The following GLIS3 variants were observed in gnomAD, a reference collection of about 807,000 sequenced individuals.
GLIS3 encodes zinc finger protein GLIS3.
GLIS3 carries 53 observed loss-of-function variants against 78.6 expected under a neutral mutation model. The ratio of observed to expected loss-of-function variants is 0.67; its 90% CI spans 0.54 to 0.85. GLIS3 has a LOEUF of 0.85. Among genes scored for constraint, GLIS3 ranks in the 40% least tolerant of loss-of-function variants. GLIS3 has a pLI of 0.00. For synonymous variants in GLIS3, 684 were observed against 509.9 expected, an observed-to-expected ratio of 1.34 and a Z score of -4.60; for missense variants, 1,703 against 1,231.1, an observed-to-expected ratio of 1.38 and a Z score of -5.74.
At chr9:4,475,418 C>T in the GLIS3 span, among the ~76,000 whole-genome samples, 1 of 152,036 alleles carries the variant, frequency 6.6e-6, no homozygotes, top group Non-Finnish European at 1.5e-5. Context: ...AAACGTTTAC[C>T]AGAGCATTCT....
intron 9 of GLIS3, among the ~76,000 whole-genome samples, chr9:3,849,908 CA>C (rs574534035): frequency 1.1e-3 from 146 of 138,134 alleles, no homozygotes; most frequent in Middle Eastern, 3.8e-3. Context: ...GACTCCATCT[CA>C]AAAAAAAAAA....
intron 2 of GLIS3, among the ~76,000 whole-genome samples, chr9:4,329,751 A>G (rs1437826946): frequency 3.3e-5 from 5 of 152,112 alleles, no homozygotes; most frequent in African/African-American, 7.2e-5. Flanking sequence ...CAGTGTTTAA[A>G]TACCTCTAGC....
At chr9:4,410,461 A>G in the GLIS3 span, among the ~76,000 whole-genome samples, 81 of 152,348 alleles carry the variant, frequency 5.3e-4, no homozygotes, top group African/African-American at 1.7e-3. Flanking sequence ...TTTTAAGTAT[A>G]TATAAAGAAT....
At chr9:3,924,656 G>A (rs1453205009) in intron 6 of GLIS3, among the ~76,000 whole-genome samples, 2 of 152,170 alleles carry the variant, frequency 1.3e-5, no homozygotes, top group Non-Finnish European at 2.9e-5. Context: ...TAGCTCAACT[G>A]AAGCTGAAAA....
intron 1 of GLIS3, among the ~76,000 whole-genome samples, chr9:4,296,746 G>A (rs190544633): frequency 3.9e-4 from 59 of 151,948 alleles, no homozygotes; most frequent in Non-Finnish European, 7.1e-4. Context: ...TACCAATAAG[G>A]ACAGGTGTTT....
chr9:4,209,340 C>A (rs1445515773), intron 2 of GLIS3, among the ~76,000 whole-genome samples: 4 of 152,160 alleles, frequency 2.6e-5, no homozygotes, highest in Non-Finnish European at 5.9e-5. Context: ...CATAGGGTAT[C>A]TGGGTTTCTC....
intron 4 of GLIS3, among the ~76,000 whole-genome samples, chr9:4,061,304 G>C (rs1304017759): frequency 6.8e-6 from 1 of 147,596 alleles, no homozygotes; most frequent in Non-Finnish European, 1.5e-5. Flanking sequence ...CTATGAGTGA[G>C]AACATGCGGT....
chr9:4,392,548 T>G, the GLIS3 span, among the ~76,000 whole-genome samples: 2 of 152,200 alleles, frequency 1.3e-5, no homozygotes, highest in Non-Finnish European at 2.9e-5. Context: ...TACCTTTCAC[T>G]ATGGCCCCAA....
rs34789708 is a variant in GLIS3 at position 3,908,706 on chromosome 9, G to GTTTTTTTTTTTTTT, written c.1984-9885_1984-9872dup. ...GCACCATCAATTGTGATTTGTATTT[G>GTTTTTTTTTTTTTT]TTTTTTTTTTTTTTTTTTTTTTGTA... On this transcript the variant is annotated intron_variant, in intron 6 of 10. Coordinates refer to ENST00000381971, the MANE Select transcript of GLIS3 (RefSeq NM_001042413.2). Among the ~76,000 whole-genome samples the GTTTTTTTTTTTTTT allele has an allele frequency of 6.8e-4, 58 of 85,556 alleles. 3 individuals carry two copies. Among genetic ancestry groups the GTTTTTTTTTTTTTT allele is most frequent in the East Asian group, 1.0e-3 (3 of 2,876 alleles). The allele number at this position is 85,556 out of a possible 152,430, so 56.1% of individuals were successfully genotyped here.
At chr9:4,094,330 G>A (rs568982041) in intron 4 of GLIS3, among the ~76,000 whole-genome samples, 1 of 152,220 alleles carries the variant, frequency 6.6e-6, no homozygotes, top group South Asian at 2.1e-4. Context: ...TGTGGCTAGT[G>A]AGAGTGCAAA....
intron 9 of GLIS3, among the ~76,000 whole-genome samples, chr9:3,839,859 T>C (rs1818608920): frequency 6.6e-6 from 1 of 152,192 alleles, no homozygotes; most frequent in East Asian, 1.9e-4. Context: ...TTTAATTAAT[T>C]AGTAAAATTG....
At chr9:3,974,415 T>C (rs1382506698) in intron 4 of GLIS3, among the ~76,000 whole-genome samples, 1 of 152,166 alleles carries the variant, frequency 6.6e-6, no homozygotes, top group African/African-American at 2.4e-5. Flanking sequence ...TGTCCACAGA[T>C]ATAAAAAGGT....
At position 4,022,969 on chromosome 9, in the gene GLIS3, GCTCT is replaced by G. The variant is rs536584689; in HGVS notation, c.1711-85784_1711-85781del. On this transcript the variant is annotated intron_variant, in intron 4 of 10. Transcript: ENST00000381971. ...AGGCAACTTTGGAGGTGATAAAAAT[GCTCT>G]CTCTGTTGTCTTGTTTATGGTGGTG... Among the ~76,000 whole-genome samples the G allele has an allele frequency of 3.2e-4, 48 of 152,284 alleles. No homozygotes were observed. In the East Asian group the frequency reaches 7.3e-3, roughly 23 times the overall value.
At chr9:3,943,453 ACT>A (rs1816082019) in intron 4 of GLIS3, among the ~76,000 whole-genome samples, 2 of 152,186 alleles carry the variant, frequency 1.3e-5, no homozygotes, top group African/African-American at 4.8e-5. Flanking sequence ...AGGGCACTGA[ACT>A]CAGGAGTTAC....
chr9:4,018,086 T>A (rs944771364), intron 4 of GLIS3, among the ~76,000 whole-genome samples: 2 of 152,078 alleles, frequency 1.3e-5, no homozygotes, highest in East Asian at 1.9e-4. Flanking sequence ...GAATCTTGGA[T>A]TGAAAGAGAG....
chr9:4,441,460 T>C, the GLIS3 span, among the ~76,000 whole-genome samples: 16,842 of 152,278 alleles, frequency 0.11, 1,107 homozygotes, highest in South Asian at 0.19. Context: ...TATTGAACCA[T>C]CCTCATTTGC....
At chr9:3,928,549 G>C (rs967965420) in intron 6 of GLIS3, among the ~76,000 whole-genome samples, 2 of 152,224 alleles carry the variant, frequency 1.3e-5, no homozygotes, top group Non-Finnish European at 2.9e-5. Context: ...TTCTGGTTTT[G>C]AGTATATGTG....
chr9:4,309,176 G>C (rs993544040), intron 3 of GLIS3, among the ~76,000 whole-genome samples: 2 of 152,082 alleles, frequency 1.3e-5, no homozygotes, highest in African/African-American at 4.8e-5. Flanking sequence ...GTATATGCCC[G>C]TGCCTCGTTT....
the GLIS3 span, among the ~76,000 whole-genome samples, chr9:4,455,032 T>C: frequency 6.6e-6 from 1 of 152,228 alleles, no homozygotes; most frequent in African/African-American, 2.4e-5. Flanking sequence ...ACTAGGTAAT[T>C]TATACCTTTT....
Sources: gnomAD v4.1 joint callset for allele counts (sites outside exome capture counted in the v4.1 genomes callset) on GRCh38, gnomAD v4.1.1 for gene constraint, MANE v1.5 for transcripts, NCBI Gene and HGNC (gene_info 2026-07-23, HGNC 2026-07-21) for gene names.